PHF20: variants seen among roughly 807,000 people sequenced by gnomAD.
PHF20 encodes the protein glioma-expressed antigen 2.
In PHF20, 23 loss-of-function variants were observed where a neutral mutation model predicts 113.5. That is an observed-to-expected ratio of 0.20 (90% CI 0.15 to 0.29). The LOEUF is 0.29. Among genes scored for constraint, PHF20 ranks in the 10% least tolerant of loss-of-function variants. PHF20 has a pLI of 1.00. For missense variants in PHF20, 943 were observed against 1,219.6 expected, an observed-to-expected ratio of 0.77 and a Z score of 3.38; for synonymous variants, 434 against 457.3, an observed-to-expected ratio of 0.95 and a Z score of 0.65.
chr20:35,916,159 TA>T (rs1376909002), intron 12 of PHF20, among the ~76,000 whole-genome samples: 1 of 152,096 alleles, frequency 6.6e-6, no homozygotes, highest in Admixed American at 6.5e-5. Flanking sequence ...ATAAAAATAA[TA>T]AAAAGTAAAA....
In PHF20 at chr20:35,863,240, C is replaced by T. The variant is rs79291837; in HGVS notation, c.648C>T (p.Asn216=). 733 of 1,614,048 alleles carry T rather than the reference C, an allele frequency of 4.5e-4. 2 individuals carry two copies. In the African/African-American group the frequency reaches 4.8e-3, roughly 11 times the overall value. Residue 216 remains asparagine (N), a synonymous_variant, in exon 6 of 18, where the codon AAC becomes AAT. Coordinates refer to ENST00000374012, the MANE Select transcript of PHF20 (RefSeq NM_016436.5). ...GKVSEKSLPK[N]EKEDKENISE... is the part of the protein sequence containing the mutation. ...TGTCAGAGAAAAGTCTTCCCAAGAA[C>T]GAGAAGGAAGACAAGGAAAACATTT...
chr20:35,838,937 T>C (rs1234951111), intron 2 of PHF20, among the ~76,000 whole-genome samples: 3 of 149,954 alleles, frequency 2.0e-5, no homozygotes, highest in Non-Finnish European at 3.0e-5. Context: ...AAAGCTGTAG[T>C]GTGCCATGGT....
At chr20:35,922,533 C>T (rs2055538297) in intron 13 of PHF20, among the ~76,000 whole-genome samples, 1 of 152,168 alleles carries the variant, frequency 6.6e-6, no homozygotes, top group Non-Finnish European at 1.5e-5. Context: ...GTAGTATCAA[C>T]ATTGTTCATG....
chr20:35,941,076 A>G (rs1414994368), intron 17 of PHF20, 29 bp downstream of exon 17: 3 of 1,595,640 alleles, frequency 1.9e-6, no homozygotes, highest in Non-Finnish European at 2.6e-6. Flanking sequence ...CCCCCTGTGC[A>G]TTGGCATGCA....
At chr20:35,887,577 G>A (rs1451984525) in intron 9 of PHF20, 2 of 152,130 alleles carry the variant, frequency 1.3e-5, no homozygotes, top group African/African-American at 4.8e-5. Flanking sequence ...TTCCTAGTAA[G>A]ACAGACACTG....
intron 17 of PHF20, among the ~76,000 whole-genome samples, chr20:35,942,777 T>A (rs1387956997): frequency 1.3e-5 from 2 of 152,228 alleles, no homozygotes; most frequent in African/African-American, 4.8e-5. Context: ...AAATCCCTTT[T>A]TATGGAATCA....
intron 1 of PHF20, among the ~76,000 whole-genome samples, chr20:35,797,114 G>A (rs546300961): frequency 1.4e-3 from 209 of 152,108 alleles, no homozygotes; most frequent in Middle Eastern, 3.4e-3. Flanking sequence ...CTCCCAAAAT[G>A]CTGGGATTAC....
At chr20:35,780,245 GGA>G (rs2041262136) in intron 1 of PHF20, among the ~76,000 whole-genome samples, 1 of 134,370 alleles carries the variant, frequency 7.4e-6, no homozygotes. Flanking sequence ...TTTTTTTTTG[GGA>G]CGGAGTCTCA....
At chr20:35,879,583 C>T (rs2054588954) in intron 9 of PHF20, among the ~76,000 whole-genome samples, 1 of 152,032 alleles carries the variant, frequency 6.6e-6, no homozygotes, top group Non-Finnish European at 1.5e-5. Flanking sequence ...TTTGGCCAGA[C>T]AGTGTACCCA....
intron 10 of PHF20, among the ~76,000 whole-genome samples, chr20:35,905,375 A>G (rs2055184404): frequency 6.6e-6 from 1 of 152,166 alleles, no homozygotes; most frequent in Non-Finnish European, 1.5e-5. Flanking sequence ...CCTAAAATTC[A>G]TCTGTTGAAG....
intron 2 of PHF20, among the ~76,000 whole-genome samples, chr20:35,804,461 C>T (rs2041845213): frequency 6.6e-6 from 1 of 152,026 alleles, no homozygotes; most frequent in Non-Finnish European, 1.5e-5. Context: ...TGGTTGCGAT[C>T]TCCTGACCTC....
At chr20:35,793,655 A>G (rs530525773) in intron 1 of PHF20, among the ~76,000 whole-genome samples, 12 of 152,004 alleles carry the variant, frequency 7.9e-5, no homozygotes, top group African/African-American at 2.9e-4. Flanking sequence ...TCGCTGGTTC[A>G]CATTATTTTG....
chr20:35,935,152 C>A (rs2055840612), intron 15 of PHF20, among the ~76,000 whole-genome samples: 1 of 151,800 alleles, frequency 6.6e-6, no homozygotes, highest in Non-Finnish European at 1.5e-5. Flanking sequence ...GCTCATATTT[C>A]TTTTATTTTT....
chr20:35,930,003 A>T (rs6060692), intron 14 of PHF20, among the ~76,000 whole-genome samples: 39,529 of 152,178 alleles, frequency 0.26, 6,174 homozygotes, highest in African/African-American at 0.44. Flanking sequence ...ACAGTCTGGT[A>T]GAAAGCTTTT....
At chr20:35,776,004 C>G (rs971995358) in intron 1 of PHF20, among the ~76,000 whole-genome samples, 2 of 152,022 alleles carry the variant, frequency 1.3e-5, no homozygotes, top group African/African-American at 2.4e-5. Context: ...GAGATGAGAT[C>G]TTGCCATTTT....
intron 1 of PHF20, chr20:35,782,234 A>C (rs1016246127): frequency 6.6e-6 from 1 of 151,266 alleles, no homozygotes; most frequent in Non-Finnish European, 1.5e-5. Flanking sequence ...AAGGTAATTA[A>C]AGAGGCCACT....
intron 12 of PHF20, 98 bp downstream of exon 12, chr20:35,914,295 A>G: frequency 3.5e-6 from 4 of 1,128,250 alleles, no homozygotes; most frequent in Non-Finnish European, 5.1e-6. Flanking sequence ...GGCCACTACA[A>G]TAAAACAAAT....
chr20:35,877,016 A>G (rs1600862332), intron 9 of PHF20, among the ~76,000 whole-genome samples: 1 of 149,096 alleles, frequency 6.7e-6, no homozygotes, highest in South Asian at 2.1e-4. Context: ...CTGAGGCAGG[A>G]GAATGGCGTA....
At chr20:35,898,253 C>G (rs1326281357) in intron 9 of PHF20, among the ~76,000 whole-genome samples, 1 of 152,102 alleles carries the variant, frequency 6.6e-6, no homozygotes, top group African/African-American at 2.4e-5. Flanking sequence ...AATACTAAAA[C>G]CTTTGTAACT....
Sources: allele counts gnomAD v4.1 joint callset (sites outside exome capture counted in the v4.1 genomes callset), GRCh38; gene constraint gnomAD v4.1.1; transcripts MANE v1.5; gene names NCBI Gene and HGNC (gene_info 2026-07-23, HGNC 2026-07-21).